The following DIP2C variants were observed in gnomAD, a reference collection of about 807,000 sequenced individuals.
The protein encoded by DIP2C is disco-interacting protein 2 homolog C.
A neutral mutation model predicts 192.4 loss-of-function variants in DIP2C; 33 were observed. The ratio of observed to expected loss-of-function variants is 0.17; its 90% CI spans 0.13 to 0.23. DIP2C has a LOEUF of 0.23. Among genes scored for constraint, DIP2C ranks in the 10% least tolerant of loss-of-function variants. The pLI, the probability that DIP2C is intolerant of heterozygous loss-of-function variation, is 1.00. For missense variants in DIP2C, 1,537 were observed against 2,110.1 expected (o/e 0.73, Z 5.32); for synonymous variants, 979 against 864.1 (o/e 1.13, Z -2.33).
At chr10:514,695 G>A (rs1438482112) in intron 1 of DIP2C, among the ~76,000 whole-genome samples, 5 of 152,128 alleles carry the variant, frequency 3.3e-5, no homozygotes, top group African/African-American at 1.2e-4. Flanking sequence ...TGGCTCCTGA[G>A]GGACCTGGTC....
At chr10:595,306 G>A (rs1006050134) in intron 1 of DIP2C, among the ~76,000 whole-genome samples, 3 of 152,136 alleles carry the variant, frequency 2.0e-5, no homozygotes, top group African/African-American at 7.2e-5. Flanking sequence ...CCCCATCCAG[G>A]AAGCCTTTGG....
chr10:306,300 A>C (rs2132298049), intron 32 of DIP2C, among the ~76,000 whole-genome samples: 1 of 152,066 alleles, frequency 6.6e-6, no homozygotes, highest in African/African-American at 2.4e-5. Context: ...CAAGAATAAA[A>C]AGGGCATCAG....
At chr10:635,577 G>C (rs816573) in intron 1 of DIP2C, among the ~76,000 whole-genome samples, 150,476 of 152,364 alleles carry the variant, frequency 0.99, 74,333 homozygotes, top group Middle Eastern at 1. Context: ...AAGCGGCCGC[G>C]CAGTGTGGGC....
chr10:372,327 G>A (rs1215558110), intron 17 of DIP2C, among the ~76,000 whole-genome samples: 2 of 152,136 alleles, frequency 1.3e-5, no homozygotes, highest in Non-Finnish European at 2.9e-5. Flanking sequence ...TGCCCTCCTC[G>A]GCTTCCCAAG....
rs1564274333 is a variant in DIP2C at position 616,917 on chromosome 10, G to A, written c.85+72577C>T. On this transcript the variant is annotated intron_variant, in intron 1 of 36. Coordinates refer to ENST00000280886, the MANE Select transcript of DIP2C (RefSeq NM_014974.3). Reference sequence around the variant, plus strand: ...ATAACAGGCCAGACAGGACAAGGATGGGGAGGTGGAGGGCAAATTCCATGG... The same window carrying A: ...ATAACAGGCCAGACAGGACAAGGATAGGGAGGTGGAGGGCAAATTCCATGG... Among the ~76,000 whole-genome samples, 4 of 152,210 alleles carry A rather than the reference G, an allele frequency of 2.6e-5. No individual in the cohort carries two copies. The South Asian group carries it at 6.2e-4, about 24-fold the overall frequency.
chr10:346,708 C>T (rs1233494902), intron 26 of DIP2C, among the ~76,000 whole-genome samples: 4 of 143,600 alleles, frequency 2.8e-5, no homozygotes, highest in Non-Finnish European at 1.5e-5. Flanking sequence ...ACACACCGCG[C>T]ATAGTTCTCC....
At chr10:563,246 C>T (rs1849307947) in intron 1 of DIP2C, among the ~76,000 whole-genome samples, 1 of 152,196 alleles carries the variant, frequency 6.6e-6, no homozygotes, top group Non-Finnish European at 1.5e-5. Context: ...AGGCTTGGGG[C>T]TGCCATTTTC....
At chr10:376,298 C>G (rs1202182258) in intron 17 of DIP2C, among the ~76,000 whole-genome samples, 1 of 141,324 alleles carries the variant, frequency 7.1e-6, no homozygotes, top group Non-Finnish European at 1.5e-5. Context: ...CCTCGGCCCC[C>G]GACGGAGCCG....
At position 423,493 on chromosome 10, in the gene DIP2C, T is replaced by TA. The variant is rs1966350398; in HGVS notation, c.395-461dup. ...TGATTTTTCTACTACATCGGTGTGT[T>TA]AGATACCCATGCAGCTGATTTCTAT... On this transcript the variant is annotated intron_variant, in intron 4 of 36. Transcript: ENST00000280886. 2.6e-5 allele frequency among the ~76,000 whole-genome samples: 4 copies of TA among 152,228 alleles called. No homozygotes were observed. In the South Asian group the frequency reaches 8.3e-4, roughly 32 times the overall value.
chr10:596,604 C>CA (rs1851722828), intron 1 of DIP2C, among the ~76,000 whole-genome samples: 1 of 147,348 alleles, frequency 6.8e-6, no homozygotes, highest in African/African-American at 2.5e-5. Context: ...CCATGAGATA[C>CA]ATCACAGGAG....
chr10:406,258 AAC>A (rs1481217790), intron 9 of DIP2C, among the ~76,000 whole-genome samples: 1 of 152,246 alleles, frequency 6.6e-6, no homozygotes, highest in Non-Finnish European at 1.5e-5. Context: ...TTACGATTCT[AAC>A]AATTTTTACA....
intron 2 of DIP2C, among the ~76,000 whole-genome samples, chr10:484,129 C>T (rs1464888230): frequency 6.6e-6 from 1 of 152,206 alleles, no homozygotes; most frequent in African/African-American, 2.4e-5. Context: ...TTTTAAAACA[C>T]ATTTTGAAGT....
chr10:659,142 G>A (rs533446662), intron 1 of DIP2C, among the ~76,000 whole-genome samples: 1 of 152,232 alleles, frequency 6.6e-6, no homozygotes, highest in East Asian at 1.9e-4. Context: ...ACAAACATAT[G>A]TAAATGCATA....
At chr10:475,767 G>A (rs533618842) in intron 2 of DIP2C, among the ~76,000 whole-genome samples, 1 of 152,246 alleles carries the variant, frequency 6.6e-6, no homozygotes, top group East Asian at 1.9e-4. Flanking sequence ...TCCAAACGAG[G>A]CTGCAAGTGG....
In DIP2C at chr10:568,881, G is replaced by A. The variant is rs769023525; in HGVS notation, c.86-82351C>T. 7.4e-5 allele frequency among the ~76,000 whole-genome samples: 11 copies of A among 148,706 alleles called. 1 individual carries two copies. In the Middle Eastern group the frequency reaches 0.011, roughly 150 times the overall value. ...ACCTGCAATGAGCCATCTCAGAGCC[G>A]TTCAAGAGTAACAAAATCAAAAATG... On this transcript the variant is annotated intron_variant, in intron 1 of 36. Coordinates refer to ENST00000280886, the MANE Select transcript of DIP2C (RefSeq NM_014974.3).
chr10:649,613 T>C (rs1366045758), intron 1 of DIP2C, among the ~76,000 whole-genome samples: 1 of 152,252 alleles, frequency 6.6e-6, no homozygotes, highest in African/African-American at 2.4e-5. Context: ...CTCAGGGTTT[T>C]GTCACGTTAC....
At chr10:659,394 A>AT (rs1222668426) in intron 1 of DIP2C, among the ~76,000 whole-genome samples, 1 of 152,246 alleles carries the variant, frequency 6.6e-6, no homozygotes, top group Non-Finnish European at 1.5e-5. Flanking sequence ...ACACACATAC[A>AT]TATATACACC....
intron 18 of DIP2C, among the ~76,000 whole-genome samples, chr10:367,759 C>T (rs1015956835): frequency 1.1e-4 from 17 of 152,202 alleles, no homozygotes; most frequent in Non-Finnish European, 1.8e-4. Flanking sequence ...GAGAACACCG[C>T]GGAGCTCGTT....
At chr10:344,033 A>G (rs1958290087) in intron 28 of DIP2C, among the ~76,000 whole-genome samples, 1 of 152,166 alleles carries the variant, frequency 6.6e-6, no homozygotes, top group South Asian at 2.1e-4. Context: ...ACACCACTTA[A>G]AGAAAAGCAG....
Sources: gnomAD v4.1 joint callset for allele counts (sites outside exome capture counted in the v4.1 genomes callset) on GRCh38, gnomAD v4.1.1 for gene constraint, MANE v1.5 for transcripts, NCBI Gene and HGNC (gene_info 2026-07-23, HGNC 2026-07-21) for gene names.